SMIM28: variants seen among roughly 807,000 people sequenced by gnomAD.
The protein encoded by SMIM28 is small integral membrane protein 28.
intron 1 of SMIM28, among the ~76,000 whole-genome samples, chr6:138,380,925 C>T (rs1402812606): frequency 1.3e-4 from 19 of 150,330 alleles, no homozygotes; most frequent in African/African-American, 4.2e-4. Context: ...TTTTTTGAGA[C>T]GGAGTCTCAC....
chr6:138,378,064 G>T lies in SMIM28; in HGVS notation c.-9G>T. ...GGAAGGGTGGCCAGGGCATCAGCTG[G>T]ATGAAAACATGCGGGGACTGCTGGG... is the stretch of plus-strand genomic sequence containing the variant. On this transcript the variant is annotated 5_prime_UTR_variant, in exon 1 of 2. Coordinates refer to ENST00000573100, the MANE Select transcript of SMIM28 (RefSeq NM_001368163.3). The T allele has an allele frequency of 2.5e-6, 1 of 398,858 alleles. No homozygotes were observed. Among genetic ancestry groups the T allele is most frequent in the Non-Finnish European group, 4.4e-6 (1 of 226,254 alleles). 24.7% of individuals were successfully genotyped at this position (398,858 alleles called of 1,614,324 possible). A position where few individuals can be genotyped will look rare whatever the true frequency, so the allele number is the denominator to read the frequency against.
chr6:138,383,186 A>C lies in SMIM28; in HGVS notation c.*339A>C. On this transcript the variant is annotated 3_prime_UTR_variant, in exon 2 of 2. Coordinates refer to ENST00000573100, the MANE Select transcript of SMIM28 (RefSeq NM_001368163.3). Reference sequence around the variant, plus strand: ...AAAAAAAAAAAACACTTAATTACTAATGAGCACAGGAACAGGCTCTGAAGG... The same window carrying C: ...AAAAAAAAAAAACACTTAATTACTACTGAGCACAGGAACAGGCTCTGAAGG... 2 of 164,852 alleles carry C rather than the reference A, an allele frequency of 1.2e-5. No individual in the cohort carries two copies. The highest frequency in any genetic ancestry group is 2.4e-5 in the African/African-American group (1 of 42,094). The allele number at this position is 164,852 out of a possible 1,614,324, so 10.2% of individuals were successfully genotyped here.
Position 138,383,381 on chromosome 6 carries a change from G to C in SMIM28, c.*534G>C, listed in dbSNP as rs934508659. Reference sequence around the variant, plus strand: ...TAAAAGACATCTCTAGAACTGCAGGGGATAGTTGTGTTGTAAATAATGGTG... The same window carrying C: ...TAAAAGACATCTCTAGAACTGCAGGCGATAGTTGTGTTGTAAATAATGGTG... On this transcript the variant is annotated 3_prime_UTR_variant, in exon 2 of 2. Coordinates refer to ENST00000573100, the MANE Select transcript of SMIM28 (RefSeq NM_001368163.3). 6.6e-6 allele frequency among the ~76,000 whole-genome samples: 1 copy of C among 152,170 alleles called. No homozygotes were observed. Among genetic ancestry groups the C allele is most frequent in the Admixed American group, 6.5e-5 (1 of 15,274 alleles).
intron 1 of SMIM28, among the ~76,000 whole-genome samples, chr6:138,380,894 GT>G (rs1051422956): frequency 1.3e-5 from 2 of 151,382 alleles, no homozygotes; most frequent in Admixed American, 1.3e-4. Context: ...GTTTATGAGG[GT>G]TTTTTTTGTG....
At chr6:138,382,329 A>G (rs9484153) in intron 1 of SMIM28, among the ~76,000 whole-genome samples, 171 bp from the exon 2 acceptor site, 23,736 of 147,638 alleles carry the variant, frequency 0.16, 3,385 homozygotes, top group African/African-American at 0.39. Flanking sequence ...CCCTGGGGAC[A>G]GAGGTTGCAG....
At chr6:138,382,440 A>AAG (rs1774324789) in intron 1 of SMIM28, 60 bp from the exon 2 acceptor site, 2 of 397,040 alleles carry the variant, frequency 5.0e-6, no homozygotes, top group African/African-American at 4.1e-5. Context: ...GAAAAAAAAA[A>AAG]AAAGAAATGC....
chr6:138,382,244 A>G (rs1774320083), intron 1 of SMIM28, among the ~76,000 whole-genome samples: 1 of 151,904 alleles, frequency 6.6e-6, no homozygotes, highest in Non-Finnish European at 1.5e-5. Context: ...TAAAAATACA[A>G]AAATTAGCCG....
At chr6:138,380,623 C>T (rs112375101) in intron 1 of SMIM28, among the ~76,000 whole-genome samples, 3 of 151,788 alleles carry the variant, frequency 2.0e-5, no homozygotes, top group African/African-American at 7.3e-5. Context: ...AAAAATTAGC[C>T]GGGTGTGGTG....
intron 1 of SMIM28, among the ~76,000 whole-genome samples, chr6:138,381,095 G>C (rs1480581912): frequency 6.6e-6 from 1 of 151,862 alleles, no homozygotes; most frequent in Admixed American, 6.6e-5. Flanking sequence ...TAGTAGAGAC[G>C]GGGTTTTACC....
intron 1 of SMIM28, among the ~76,000 whole-genome samples, chr6:138,380,787 T>TAAATAAATAAATAAATAAATA (rs1554213899): frequency 0.051 from 7,713 of 151,138 alleles, 317 homozygotes; most frequent in African/African-American, 0.094. Context: ...AATACATAAA[T>TAAATAAATAAATAAATAAATA]AAATGCAGGC....
intron 1 of SMIM28, among the ~76,000 whole-genome samples, chr6:138,380,665 G>A (rs994510816): frequency 6.6e-6 from 1 of 152,082 alleles, no homozygotes; most frequent in African/African-American, 2.4e-5. Flanking sequence ...TACTTGGGAG[G>A]CTGAGGCAGG....
rs990828042 is a variant in SMIM28 at position 138,383,043 on chromosome 6, G to A, written c.*196G>A. ...GGCAAAGCTTGGCAAATGCCAATCT[G>A]GTTAACCTATCTTCACATTCCTTAG... On this transcript the variant is annotated 3_prime_UTR_variant, in exon 2 of 2. Coordinates refer to ENST00000573100, the MANE Select transcript of SMIM28 (RefSeq NM_001368163.3). 1 of 385,738 alleles carries A rather than the reference G, an allele frequency of 2.6e-6. No individual in the cohort carries two copies. The highest frequency in any genetic ancestry group is 4.6e-6 in the Non-Finnish European group (1 of 218,650). 23.9% of individuals were successfully genotyped at this position (385,738 alleles called of 1,614,324 possible).
In SMIM28 at chr6:138,380,909, G is replaced by GT. The variant is rs563908289; in HGVS notation, c.112-1580dup. ...GTTTATGAGGGTTTTTTTTGTGTGT[G>GT]TTTTTTTTTTTGAGACGGAGTCTCA... is the stretch of plus-strand genomic sequence containing the variant. On this transcript the variant is annotated intron_variant, in intron 1 of 1. Transcript: ENST00000573100. 4.7e-3 allele frequency among the ~76,000 whole-genome samples: 681 copies of GT among 145,536 alleles called. 2 individuals carry two copies. The highest frequency in any genetic ancestry group is 7.2e-3 in the African/African-American group (289 of 39,988).
chr6:138,381,124 C>T (rs6913735), intron 1 of SMIM28, among the ~76,000 whole-genome samples: 25,202 of 151,846 alleles, frequency 0.17, 3,819 homozygotes, highest in African/African-American at 0.41. Context: ...CAGGCTGGTT[C>T]CAAACTCCTG....
chr6:138,379,558 G>A lies in SMIM28; in HGVS notation c.111+1375G>A, dbSNP rs73570910. Among the ~76,000 whole-genome samples, 354 of 152,196 alleles carry A rather than the reference G, an allele frequency of 2.3e-3. 2 individuals are homozygous for A. The highest frequency in any genetic ancestry group is 7.8e-3 in the African/African-American group (326 of 41,544). Reference sequence around the variant, plus strand: ...ATTGATAGAGAATGAAATAAAAATAGATTATGAGAAATGGTCCATGCTTAT... The same window carrying A: ...ATTGATAGAGAATGAAATAAAAATAAATTATGAGAAATGGTCCATGCTTAT... On this transcript the variant is annotated intron_variant, in intron 1 of 1. Coordinates refer to ENST00000573100, the MANE Select transcript of SMIM28 (RefSeq NM_001368163.3).
Position 138,382,584 on chromosome 6 carries a change from G to T in SMIM28, c.196G>T (p.Ala66Ser). 1 of 399,092 alleles carries T rather than the reference G, an allele frequency of 2.5e-6. No individual in the cohort carries two copies. Among genetic ancestry groups the T allele is most frequent in the Non-Finnish European group, 4.4e-6 (1 of 226,634 alleles). 24.7% of individuals were successfully genotyped at this position (399,092 alleles called of 1,614,324 possible). A position where few individuals can be genotyped will look rare whatever the true frequency, so the allele number is the denominator to read the frequency against. ...GCCGGCCACCATCCTGCTCTTCCTG[G>T]CATTTCTGCTGCTGTTCCTGTACCG... The part of the protein sequence containing the change: ...LLPATILLFL[A>S]FLLLFLYRRC... Residue 66 changes from alanine (A) to serine (S), a missense_variant, in exon 2 of 2, where the codon GCA (alanine) becomes TCA (serine). By Grantham distance (99) the Ala-to-Ser change is moderately conservative. Coordinates refer to ENST00000573100, the MANE Select transcript of SMIM28 (RefSeq NM_001368163.3).
intron 1 of SMIM28, among the ~76,000 whole-genome samples, chr6:138,378,970 T>C (rs1293155131): frequency 6.9e-6 from 1 of 144,784 alleles, no homozygotes; most frequent in African/African-American, 2.9e-5. Context: ...TAATTGGACA[T>C]TTCTTTAAAA....
At chr6:138,382,060 G>GA (rs1427388336) in intron 1 of SMIM28, among the ~76,000 whole-genome samples, 1 of 152,136 alleles carries the variant, frequency 6.6e-6, no homozygotes, top group African/African-American at 2.4e-5. Context: ...AGTAATAATG[G>GA]AAAAAAGAAC....
chr6:138,380,305 T>C (rs980176427), intron 1 of SMIM28, among the ~76,000 whole-genome samples: 4 of 152,232 alleles, frequency 2.6e-5, no homozygotes, highest in Non-Finnish European at 4.4e-5. Context: ...TCAAGAACAC[T>C]ATTTTTATGT....
Sources: allele counts gnomAD v4.1 joint callset (sites outside exome capture counted in the v4.1 genomes callset), GRCh38; gene constraint gnomAD v4.1.1; transcripts MANE v1.5; gene names NCBI Gene and HGNC (gene_info 2026-07-23, HGNC 2026-07-21).